MACF1: variants seen among roughly 807,000 people sequenced by gnomAD.
MACF1 encodes microtubule-actin cross-linking factor 1.
MACF1 carries 193 observed loss-of-function variants against 854.8 expected under a neutral mutation model. That is an observed-to-expected ratio of 0.23 (90% CI 0.20 to 0.25). The LOEUF is 0.25. MACF1 is among the 10% of genes least tolerant of loss of function. The pLI, the probability that MACF1 is intolerant of heterozygous loss-of-function variation, is 1.00. For synonymous variants in MACF1, 3,185 were observed against 3,226.7 expected (o/e 0.99, Z 0.44); for missense variants, 7,722 against 8,929.1 (o/e 0.86, Z 5.45).
chr1:39,089,551 T>C (rs1415809137), intron 2 of MACF1, among the ~76,000 whole-genome samples: 4 of 152,148 alleles, frequency 2.6e-5, no homozygotes. Flanking sequence ...GAGGTCTCTG[T>C]AGTCAGGAGT....
At position 39,378,443 on chromosome 1, in the gene MACF1, C is replaced by G; in HGVS notation, c.13214-18C>G. 1.2e-6 allele frequency: 2 copies of G among 1,611,038 alleles called. No individual in the cohort carries two copies. Among genetic ancestry groups the G allele is most frequent in the Non-Finnish European group, 1.7e-6 (2 of 1,177,192 alleles). On this transcript the variant is annotated intron_variant, in intron 52 of 100. Coordinates refer to ENST00000564288, the MANE Select transcript of MACF1 (RefSeq NM_001394062.1). ...CACGTTGGTCTTGCCCTGTTTGTCT[C>G]CCTGTCCTTCTGCTCAGGTTCCATA...
At chr1:39,341,976 T>C (rs1646945091) in intron 40 of MACF1, among the ~76,000 whole-genome samples, 1 of 152,048 alleles carries the variant, frequency 6.6e-6, no homozygotes. Flanking sequence ...GAGGGTTTGA[T>C]ATACAGATAA....
Position 39,359,154 on chromosome 1 carries a change from A to T in MACF1, c.12134A>T (p.Glu4045Val). The T allele has an allele frequency of 6.2e-7, 1 of 1,613,990 alleles. No individual in the cohort carries two copies. The highest frequency in any genetic ancestry group is 8.5e-7 in the Non-Finnish European group (1 of 1,180,000). The change falls in exon 47 of 101, where the codon GAA becomes GTA. Residue 4045 changes from glutamate (E) to valine (V), a missense_variant. Transcript: ENST00000564288. ...QLATTKQLQE[E>V]LAEHQVPVEK... ...ATGGACAAGCAGCAGTTGCAGGAGGAATTGGCTGAGCACCAAGTACCTGTG... is the reference window on the plus strand; with the variant it reads ...ATGGACAAGCAGCAGTTGCAGGAGGTATTGGCTGAGCACCAAGTACCTGTG...
At chr1:39,150,112 C>T (rs1643547325) in intron 2 of MACF1, among the ~76,000 whole-genome samples, 1 of 151,962 alleles carries the variant, frequency 6.6e-6, no homozygotes, top group Non-Finnish European at 1.5e-5. Context: ...CAACCTCCTG[C>T]ACTCAAGCAA....
intron 85 of MACF1, among the ~76,000 whole-genome samples, chr1:39,451,749 AG>A (rs1252244564): frequency 6.6e-6 from 1 of 152,250 alleles, no homozygotes; most frequent in Non-Finnish European, 1.5e-5. Context: ...TGGAAACGTT[AG>A]TATAATGGTT....
Position 39,361,618 on chromosome 1 carries a change from A to G in MACF1, c.12712A>G (p.Met4238Val). ...GCAGTTCATGGAAAACAAAAGTCGG[A>G]TGCTGGCCTCTGGAAATCAGCCAGA... Reference protein sequence around the residue: ...LQQFMENKSRMLASGNQPDQD... With the variant: ...LQQFMENKSRVLASGNQPDQD... Residue 4238 changes from methionine (M) to valine (V), a missense_variant, in exon 49 of 101, where the codon ATG becomes GTG. This residue lies in a region of MACF1 where 2,807 missense variants were observed against 3,235.8 expected (regional missense o/e 0.87). Transcript: ENST00000564288. The G allele has an allele frequency of 5.6e-6, 9 of 1,614,222 alleles. No individual in the cohort carries two copies. The highest frequency in any genetic ancestry group is 7.6e-6 in the Non-Finnish European group (9 of 1,180,040).
At chr1:39,354,974 A>AT (rs1647402976) in intron 44 of MACF1, among the ~76,000 whole-genome samples, 1 of 152,260 alleles carries the variant, frequency 6.6e-6, no homozygotes, top group African/African-American at 2.4e-5. Context: ...CAACTGGCAT[A>AT]TACAGGCACA....
chr1:39,171,700 A>T (rs1643951628), intron 2 of MACF1, among the ~76,000 whole-genome samples: 1 of 152,110 alleles, frequency 6.6e-6, no homozygotes, highest in African/African-American at 2.4e-5. Context: ...ATCGCGGCTC[A>T]CTGCAACCTC....
rs532549734 is a variant in MACF1 at position 39,186,359 on chromosome 1, C to T, written c.221-44823C>T. 2.2e-4 allele frequency among the ~76,000 whole-genome samples: 33 copies of T among 151,284 alleles called. 1 individual carries two copies. Among genetic ancestry groups the T allele is most frequent in the African/African-American group, 8.0e-4 (33 of 41,234 alleles). The stretch of plus-strand genomic sequence containing the variant: ...TCGGCTCACTGCAACCACCAACTCC[C>T]TGGTTCAAATGATTCTCCTGCCTCA... On this transcript the variant is annotated intron_variant, in intron 2 of 93. Coordinates refer to the MACF1 transcript ENST00000361689.
intron 2 of MACF1, among the ~76,000 whole-genome samples, chr1:39,148,321 T>C (rs949014422): frequency 7.2e-5 from 11 of 152,218 alleles, no homozygotes; most frequent in Non-Finnish European, 7.3e-5. Flanking sequence ...AAAGAATGTT[T>C]AGAAAAATCT....
intron 36 of MACF1, chr1:39,328,253 A>G (rs1646653708): frequency 6.6e-6 from 1 of 152,198 alleles, no homozygotes; most frequent in African/African-American, 2.4e-5. Flanking sequence ...CTGGTGTAAC[A>G]TTCTCCATTT....
chr1:39,447,186 A>T (rs1295619350), intron 80 of MACF1, among the ~76,000 whole-genome samples: 2 of 152,178 alleles, frequency 1.3e-5, no homozygotes, highest in Non-Finnish European at 2.9e-5. Context: ...CAGAGAAAGG[A>T]ACTTAGCTGC....
chr1:39,436,569 CCTTAA>C (rs1167302502), intron 70 of MACF1: 47 of 1,351,544 alleles, frequency 3.5e-5, no homozygotes, highest in Non-Finnish European at 4.7e-5. Context: ...AGGGAATTTC[CCTTAA>C]CTTTAGTGGA....
At chr1:39,219,257 T>C (rs948418907) in intron 1 of MACF1, among the ~76,000 whole-genome samples, 1 of 152,240 alleles carries the variant, frequency 6.6e-6, no homozygotes, top group Admixed American at 6.5e-5. Flanking sequence ...TATATAGGAC[T>C]GCATTGTATT....
At chr1:39,446,791 C>G (rs1236013747) in intron 80 of MACF1, among the ~76,000 whole-genome samples, 1 of 152,072 alleles carries the variant, frequency 6.6e-6, no homozygotes, top group Non-Finnish European at 1.5e-5. Flanking sequence ...GTAGCCTTTT[C>G]CCTGAATGAG....
chr1:39,340,989 G>T, intron 40 of MACF1, 36 bp downstream of exon 40: 1 of 1,496,472 alleles, frequency 6.7e-7, no homozygotes, highest in Non-Finnish European at 9.0e-7. Context: ...CCTTTGAGTT[G>T]TATCAATTTT....
chr1:39,368,646 C>G (rs370461070), intron 50 of MACF1, among the ~76,000 whole-genome samples: 6 of 151,920 alleles, frequency 3.9e-5, no homozygotes, highest in African/African-American at 1.5e-4. Context: ...GGATTACAGG[C>G]GCCCACCACC....
intron 44 of MACF1, among the ~76,000 whole-genome samples, chr1:39,355,982 A>G (rs1647527683): frequency 6.6e-6 from 1 of 152,166 alleles, no homozygotes; most frequent in South Asian, 2.1e-4. Context: ...TCTTGAAATG[A>G]TGTGGGAAGC....
At chr1:39,483,880 G>A (rs755888917) in intron 99 of MACF1, among the ~76,000 whole-genome samples, 14 of 152,142 alleles carry the variant, frequency 9.2e-5, no homozygotes, top group Admixed American at 3.3e-4. Context: ...GGCCAGGTGC[G>A]GTGGCTCACA....
Sources: allele counts gnomAD v4.1 joint callset (sites outside exome capture counted in the v4.1 genomes callset), GRCh38; gene constraint gnomAD v4.1.1; regional missense constraint gnomAD v4.1.1; transcripts MANE v1.5; gene names NCBI Gene and HGNC (gene_info 2026-07-23, HGNC 2026-07-21).